Variants in PHC3 observed in about 807,000 individuals in gnomAD.
The protein encoded by PHC3 is polyhomeotic homolog 3.
A neutral mutation model predicts 107.4 loss-of-function variants in PHC3; 13 were observed. That is an observed-to-expected ratio of 0.12 (90% CI 0.08 to 0.19). The LOEUF is 0.19. PHC3 is among the 10% of genes least tolerant of loss of function. The pLI is 1.00. For missense variants in PHC3, 992 were observed against 1,210.9 expected (o/e 0.82, Z 2.68); for synonymous variants, 456 against 427.4 (o/e 1.07, Z -0.83).
intron 2 of PHC3, among the ~76,000 whole-genome samples, chr3:170,177,696 G>C (rs567522331): frequency 1.1e-3 from 152 of 141,050 alleles, no homozygotes; most frequent in African/African-American, 3.9e-3. Flanking sequence ...TTTGAGACAG[G>C]GTCTCACTCT....
intron 5 of PHC3, chr3:170,147,435 C>CAATG (rs1026709599): frequency 1.3e-5 from 2 of 152,084 alleles, no homozygotes; most frequent in Non-Finnish European, 2.9e-5. Context: ...CAACAAAGTA[C>CAATG]AATGATGAGC....
In PHC3 at chr3:170,092,201, T is replaced by C. The variant is rs1714174735; in HGVS notation, c.*5029A>G. On this transcript the variant is annotated 3_prime_UTR_variant, in exon 15 of 15. Transcript: ENST00000495893. ...TTTTAGTAGAGATAGGGTTTCACCA[T>C]ATTGGTCAGGCTGGTCTCGAACTCC... is the stretch of plus-strand genomic sequence containing the variant. The C allele has an allele frequency of 6.6e-6, 1 of 152,150 alleles. No homozygotes were observed. Among genetic ancestry groups the C allele is most frequent in the African/African-American group, 2.4e-5 (1 of 41,418 alleles). The allele number at this position is 152,150 out of a possible 1,614,324, so 9.4% of individuals were successfully genotyped here.
chr3:170,171,621 G>A (rs940334429), intron 3 of PHC3, among the ~76,000 whole-genome samples, 171 bp from the exon 4 acceptor site: 2 of 152,106 alleles, frequency 1.3e-5, no homozygotes, highest in African/African-American at 4.8e-5. Context: ...TTTTAAATAA[G>A]GAAAAGCTGA....
At chr3:170,176,220 G>C (rs559078703) in intron 2 of PHC3, among the ~76,000 whole-genome samples, 50 of 135,356 alleles carry the variant, frequency 3.7e-4, no homozygotes, top group African/African-American at 1.1e-3. Flanking sequence ...AGCGAGACTC[G>C]GTCTCAAAAA....
chr3:170,157,228 G>A (rs1727036931), intron 4 of PHC3, among the ~76,000 whole-genome samples: 1 of 151,848 alleles, frequency 6.6e-6, no homozygotes, highest in Non-Finnish European at 1.5e-5. Flanking sequence ...CACTGTTAAG[G>A]GAAAAAAACA....
At chr3:170,105,185 G>A (rs1716246863) in intron 12 of PHC3, among the ~76,000 whole-genome samples, 1 of 152,054 alleles carries the variant, frequency 6.6e-6, no homozygotes, top group Non-Finnish European at 1.5e-5. Flanking sequence ...ATTCTGAAAG[G>A]GAGTCCTTTC....
intron 5 of PHC3, chr3:170,148,870 T>C (rs1027905495): frequency 4.3e-6 from 2 of 461,516 alleles, no homozygotes; most frequent in Non-Finnish European, 7.8e-6. Context: ...AGCTTCTCAA[T>C]GTAATAATTA....
chr3:170,122,618 C>A lies in PHC3; in HGVS notation c.1915G>T (p.Asp639Tyr), dbSNP rs766424262. 11 of 1,613,826 alleles carry A rather than the reference C, an allele frequency of 6.8e-6. No individual in the cohort carries two copies. The highest frequency in any genetic ancestry group is 5.9e-6 in the Non-Finnish European group (7 of 1,179,860). ...AACAAAGGATGTTCAGAAGTCAAAT[C>A]TTCTCCTCTCCCCACTGTTATAGCT... ...PAAITVGRGEDLTSEHPLLEQ... is the reference protein window; with the variant it reads ...PAAITVGRGEYLTSEHPLLEQ... Residue 639 changes from aspartate (D) to tyrosine (Y), a missense_variant, in exon 9 of 15, where the codon GAT (aspartate) becomes TAT (tyrosine). Transcript: ENST00000495893.
intron 2 of PHC3, among the ~76,000 whole-genome samples, chr3:170,174,307 T>C (rs768257088): frequency 5.3e-5 from 8 of 152,224 alleles, no homozygotes; most frequent in Admixed American, 1.3e-4. Flanking sequence ...CTTGTTTTGC[T>C]TCAACATTGA....
chr3:170,171,006 C>T (rs1391042302), intron 4 of PHC3: 2 of 249,524 alleles, frequency 8.0e-6, no homozygotes, highest in African/African-American at 4.4e-5. Context: ...GTTAGAAATG[C>T]TTAGATGTCT....
chr3:170,120,171 T>A (rs971558773), intron 9 of PHC3, among the ~76,000 whole-genome samples: 1 of 152,186 alleles, frequency 6.6e-6, no homozygotes, highest in Non-Finnish European at 1.5e-5. Context: ...AAAACTTACA[T>A]TTCTGCCTTT....
At chr3:170,179,615 T>C (rs1731064410) in intron 1 of PHC3, among the ~76,000 whole-genome samples, 1 of 152,168 alleles carries the variant, frequency 6.6e-6, no homozygotes, top group Non-Finnish European at 1.5e-5. Context: ...ACAAAATCTT[T>C]TTCACAAAGA....
Position 170,161,915 on chromosome 3 carries a change from T to C in PHC3, c.414+9458A>G, listed in dbSNP as rs568204559. ...ATCACATCCCTAAAGGTCCTATCTC[T>C]AATACAGTCACATCAGTTAGGCTTC... is the stretch of plus-strand genomic sequence containing the variant. On this transcript the variant is annotated intron_variant, in intron 4 of 14. Transcript: ENST00000495893. Among the ~76,000 whole-genome samples the C allele has an allele frequency of 3.6e-4, 55 of 152,300 alleles. No individual in the cohort carries two copies. In the South Asian group the frequency reaches 0.011, roughly 30 times the overall value.
intron 5 of PHC3, chr3:170,147,972 T>C (rs1017810559): frequency 6.6e-6 from 1 of 152,138 alleles, no homozygotes; most frequent in Non-Finnish European, 1.5e-5. Flanking sequence ...CAATTTTAGA[T>C]AGAAAACTGA....
chr3:170,128,459 G>T, intron 8 of PHC3: 1 of 1,191,080 alleles, frequency 8.4e-7, no homozygotes, highest in Non-Finnish European at 1.1e-6. Flanking sequence ...ATTAACGAGG[G>T]ACTTTAATTA....
intron 10 of PHC3, among the ~76,000 whole-genome samples, chr3:170,114,498 T>G (rs1402866262): frequency 6.6e-6 from 1 of 152,234 alleles, no homozygotes; most frequent in Non-Finnish European, 1.5e-5. Context: ...TTTAGGTGAT[T>G]TGTTTACAAA....
At chr3:170,176,856 T>C (rs1356778540) in intron 2 of PHC3, 1 of 451,252 alleles carries the variant, frequency 2.2e-6, no homozygotes, top group Non-Finnish European at 4.4e-6. Flanking sequence ...ATGAAAGAAG[T>C]AGTCTCACCC....
At chr3:170,179,858 T>C (rs1008332576) in intron 1 of PHC3, among the ~76,000 whole-genome samples, 2 of 152,188 alleles carry the variant, frequency 1.3e-5, no homozygotes, top group Non-Finnish European at 2.9e-5. Flanking sequence ...GGGCCAGAAA[T>C]GTACCTCGAA....
chr3:170,124,107 C>T (rs1325367682), intron 8 of PHC3, among the ~76,000 whole-genome samples: 1 of 152,080 alleles, frequency 6.6e-6, no homozygotes, highest in East Asian at 2.0e-4. Flanking sequence ...CTTGGCCTCC[C>T]AAAGTGCTGG....
Sources: gnomAD v4.1 joint callset for allele counts (sites outside exome capture counted in the v4.1 genomes callset) on GRCh38, gnomAD v4.1.1 for gene constraint, MANE v1.5 for transcripts, NCBI Gene and HGNC (gene_info 2026-07-23, HGNC 2026-07-21) for gene names.